AK5: variants seen among roughly 807,000 people sequenced by gnomAD.
AK5 encodes adenylate kinase isoenzyme 5.
Under a neutral mutation model 69.5 loss-of-function variants are expected in AK5, and 27 were observed. That is an observed-to-expected ratio of 0.39 (90% confidence interval 0.29 to 0.54). AK5 has a LOEUF of 0.54. AK5 is among the 20% of genes least tolerant of loss of function. The probability of loss-of-function intolerance (pLI) is 0.71; values close to 1 mark genes in which losing one functional copy is unlikely to be tolerated. For synonymous variants in AK5, 260 were observed against 244.4 expected (o/e 1.06, Z -0.60); for missense variants, 531 against 700.4 (o/e 0.76, Z 2.73).
At chr1:77,363,035 T>C (rs948621427) in intron 6 of AK5, among the ~76,000 whole-genome samples, 27 of 152,172 alleles carry the variant, frequency 1.8e-4, no homozygotes, top group African/African-American at 6.5e-4. Context: ...CTCTCAAATT[T>C]ATATTTCCAA....
chr1:77,448,372 C>G (rs977198709), intron 8 of AK5, among the ~76,000 whole-genome samples: 5 of 152,198 alleles, frequency 3.3e-5, no homozygotes, highest in Non-Finnish European at 7.3e-5. Context: ...GACAACCTGC[C>G]TGCAGATAGG....
intron 3 of AK5, 118 bp from the exon 4 acceptor site, chr1:77,297,441 C>T (rs1221998728): frequency 1.1e-6 from 1 of 876,808 alleles, no homozygotes; most frequent in Admixed American, 2.8e-5. Flanking sequence ...ACAAATGGAA[C>T]TGTTAACCAC....
chr1:77,545,113 T>C (rs1428069949), intron 13 of AK5, among the ~76,000 whole-genome samples: 3 of 152,234 alleles, frequency 2.0e-5, no homozygotes, highest in African/African-American at 7.2e-5. Context: ...CATGACTATA[T>C]ATACCCACAC....
chr1:77,531,802 G>A, intron 12 of AK5, among the ~76,000 whole-genome samples: 1 of 151,580 alleles, frequency 6.6e-6, no homozygotes, highest in Non-Finnish European at 1.5e-5. Context: ...CCGTGGAGCA[G>A]GGGGCTGCGC....
intron 10 of AK5, among the ~76,000 whole-genome samples, chr1:77,496,950 T>G (rs1013746674): frequency 6.6e-6 from 1 of 152,166 alleles, no homozygotes; most frequent in Non-Finnish European, 1.5e-5. Flanking sequence ...CAGCAGGATG[T>G]GGGCAGGGAC....
chr1:77,335,464 A>G (rs965674927), intron 5 of AK5, among the ~76,000 whole-genome samples: 1 of 151,464 alleles, frequency 6.6e-6, no homozygotes, highest in Admixed American at 6.6e-5. Context: ...AAGGAAAAGG[A>G]TGCAAAGGAT....
chr1:77,522,024 C>A (rs576938851), intron 12 of AK5, 81 bp downstream of exon 12: 6 of 1,099,672 alleles, frequency 5.5e-6, no homozygotes, highest in African/African-American at 1.6e-5. Context: ...AAGTCTATTT[C>A]TTTCCCAATT....
rs137993983 is a variant in AK5, at chr1:77,442,136, T to C, written c.1059+24421T>C. 1.8e-3 allele frequency among the ~76,000 whole-genome samples: 267 copies of C among 152,044 alleles called. 12 individuals are homozygous for C. The East Asian group carries it at 0.043, about 25-fold the overall frequency. ...TCCCTAGACATGAGGCACTGTGTAGTGGTAACAGATGGGGAAAGGTATGAC... is the reference window on the plus strand; with the variant it reads ...TCCCTAGACATGAGGCACTGTGTAGCGGTAACAGATGGGGAAAGGTATGAC... On this transcript the variant is annotated intron_variant, in intron 8 of 13. Coordinates refer to ENST00000354567, the MANE Select transcript of AK5 (RefSeq NM_174858.3).
chr1:77,441,967 T>C (rs1652356125), intron 8 of AK5, among the ~76,000 whole-genome samples: 1 of 152,168 alleles, frequency 6.6e-6, no homozygotes. Flanking sequence ...GGTTGGGTTG[T>C]AGCTGTGATT....
chr1:77,511,989 C>T (rs549273158), intron 10 of AK5, among the ~76,000 whole-genome samples: 1 of 152,300 alleles, frequency 6.6e-6, no homozygotes, highest in African/African-American at 2.4e-5. Flanking sequence ...ATAACGAACG[C>T]TCAGTTTCAG....
chr1:77,558,716 A>AAAG lies in AK5; in HGVS notation c.*47_*49dup, dbSNP rs756381466. 27 of 1,318,382 alleles carry AAAG rather than the reference A, an allele frequency of 2.0e-5. No homozygotes were observed. The highest frequency in any genetic ancestry group is 9.2e-5 in the East Asian group (4 of 43,472). The allele number at this position is 1,318,382 out of a possible 1,614,324, so 81.7% of individuals were successfully genotyped here. A position where few individuals can be genotyped will look rare whatever the true frequency, so the allele number is the denominator to read the frequency against. On this transcript the variant is annotated 3_prime_UTR_variant, in exon 14 of 14. Transcript: ENST00000354567. ...TAGAATGGAAACAGAAAAACATTAAAAAGTTCATTCCTTAACACAATGTTT... is the reference window on the plus strand; with the variant it reads ...TAGAATGGAAACAGAAAAACATTAAAAAGAAGTTCATTCCTTAACACAATGTTT...
intron 13 of AK5, among the ~76,000 whole-genome samples, chr1:77,550,513 G>A (rs1659772140): frequency 6.6e-6 from 1 of 152,152 alleles, no homozygotes; most frequent in Admixed American, 6.5e-5. Flanking sequence ...CTCATTCACA[G>A]AAAACAGTCA....
At position 77,444,195 on chromosome 1, in the gene AK5, G is replaced by GTATATA. The variant is rs34198954; in HGVS notation, c.1059+26493_1059+26498dup. Among the ~76,000 whole-genome samples, 18 of 108,208 alleles carry GTATATA rather than the reference G, an allele frequency of 1.7e-4. 1 individual carries two copies. The highest frequency in any genetic ancestry group is 6.2e-3 in the Middle Eastern group (1 of 162). The allele number at this position is 108,208 out of a possible 152,430, so 71.0% of individuals were successfully genotyped here. A position where few individuals can be genotyped will look rare whatever the true frequency, so the allele number is the denominator to read the frequency against. ...TCTCTATATATATGTCAGATAAGTG[G>GTATATA]TATATATATATATATATACCACTTA... is the stretch of plus-strand genomic sequence containing the variant. On this transcript the variant is annotated intron_variant, in intron 8 of 13. Transcript: ENST00000354567.
chr1:77,466,857 G>A (rs1262090383), intron 8 of AK5, among the ~76,000 whole-genome samples: 1 of 152,202 alleles, frequency 6.6e-6, no homozygotes, highest in African/African-American at 2.4e-5. Context: ...TTCAACACAT[G>A]AGTCTTGGAG....
intron 6 of AK5, among the ~76,000 whole-genome samples, chr1:77,378,955 A>T (rs541522489): frequency 1.8e-3 from 279 of 152,296 alleles, no homozygotes; most frequent in African/African-American, 6.4e-3. Context: ...GCCTGCTTTC[A>T]TAGTCTTGGA....
intron 8 of AK5, among the ~76,000 whole-genome samples, chr1:77,449,906 A>G (rs1485459189): frequency 6.6e-6 from 1 of 152,190 alleles, no homozygotes; most frequent in Non-Finnish European, 1.5e-5. Flanking sequence ...ATGTCATGCT[A>G]CAAATTTTCC....
chr1:77,367,579 A>ATATATTATATATATGTT (rs71075732), intron 6 of AK5, among the ~76,000 whole-genome samples: 1 of 53,364 alleles, frequency 1.9e-5, no homozygotes, highest in Non-Finnish European at 3.1e-5. Flanking sequence ...ATATATATAT[A>ATATATTATATATATGTT]ATATATATGT....
intron 5 of AK5, among the ~76,000 whole-genome samples, chr1:77,330,756 C>G (rs1169396692): frequency 1.3e-5 from 2 of 152,092 alleles, no homozygotes; most frequent in African/African-American, 4.8e-5. Flanking sequence ...CCCAGAAAAC[C>G]TGTTGGAATT....
Position 77,552,269 on chromosome 1 carries a change from T to C in AK5, c.1621-6333T>C, listed in dbSNP as rs530991546. Among the ~76,000 whole-genome samples the C allele has an allele frequency of 3.9e-5, 6 of 152,244 alleles. No individual in the cohort carries two copies. The Middle Eastern group carries it at 0.01, about 259-fold the overall frequency. On this transcript the variant is annotated intron_variant, in intron 13 of 13. Transcript: ENST00000354567. Reference sequence around the variant, plus strand: ...CTGCTCTTTGACTATAAATTCCCACTTGCCCACGCTGTATTCAGAGTTGAA... The same window carrying C: ...CTGCTCTTTGACTATAAATTCCCACCTGCCCACGCTGTATTCAGAGTTGAA...
Sources: gnomAD v4.1 joint callset for allele counts (sites outside exome capture counted in the v4.1 genomes callset) on GRCh38, gnomAD v4.1.1 for gene constraint, MANE v1.5 for transcripts, NCBI Gene and HGNC (gene_info 2026-07-23, HGNC 2026-07-21) for gene names.